Variants in SPATA7 observed in about 807,000 individuals in gnomAD.
SPATA7 encodes spermatogenesis associated 7, also known as spermatogenesis-associated protein 7.
Under a neutral mutation model 51.8 loss-of-function variants are expected in SPATA7, and 43 were observed. The ratio of observed to expected loss-of-function variants is 0.83; its 90% CI spans 0.65 to 1.07. SPATA7 has a LOEUF of 1.07. Among genes scored for constraint, SPATA7 ranks in the 50% least tolerant of loss-of-function variants. The probability of loss-of-function intolerance (pLI) is 0.00; values close to 1 mark genes in which losing one functional copy is unlikely to be tolerated. For synonymous variants in SPATA7, 230 were observed against 252.8 expected, an observed-to-expected ratio of 0.91 and a Z score of 0.86; for missense variants, 683 against 701.3, an observed-to-expected ratio of 0.97 and a Z score of 0.30.
chr14:88,388,128 G>A (rs60005153), intron 1 of SPATA7, among the ~76,000 whole-genome samples: 5,346 of 152,114 alleles, frequency 0.035, 301 homozygotes, highest in African/African-American at 0.12. Context: ...CTTGAACCTG[G>A]GAGGGGGAGG....
At chr14:88,468,693 A>G (rs1418391163) in intron 4 of SPATA7, among the ~76,000 whole-genome samples, 1 of 152,224 alleles carries the variant, frequency 6.6e-6, no homozygotes, top group Non-Finnish European at 1.5e-5. Context: ...GTAAAACAAA[A>G]TTAAACAGCT....
intron 4 of SPATA7, among the ~76,000 whole-genome samples, chr14:88,405,068 A>C (rs2076168205): frequency 6.6e-6 from 1 of 152,232 alleles, no homozygotes; most frequent in African/African-American, 2.4e-5. Flanking sequence ...AATTGAGCAG[A>C]GACCTGAAAG....
chr14:88,385,931 C>T (rs2075560666), intron 1 of SPATA7, 94 bp downstream of exon 1: 2 of 1,395,970 alleles, frequency 1.4e-6, no homozygotes, highest in Non-Finnish European at 1.9e-6. Context: ...GCAAGGCCGC[C>T]CCTTGGGGCG....
chr14:88,468,221 T>C, intron 4 of SPATA7: 1 of 1,610,546 alleles, frequency 6.2e-7, no homozygotes, highest in Admixed American at 1.7e-5. Flanking sequence ...CCAGCATCAT[T>C]CTCTGTTGCC....
chr14:88,418,085 TC>T (rs2076536803), intron 5 of SPATA7, among the ~76,000 whole-genome samples: 2 of 152,212 alleles, frequency 1.3e-5, no homozygotes, highest in Non-Finnish European at 2.9e-5. Context: ...CTTAATCTCT[TC>T]TGAATATGTA....
intron 4 of SPATA7, among the ~76,000 whole-genome samples, chr14:88,409,678 T>C (rs934311738): frequency 6.6e-6 from 1 of 152,190 alleles, no homozygotes; most frequent in Non-Finnish European, 1.5e-5. Context: ...TAAATTGTGA[T>C]GTTAGGGTGT....
At chr14:88,442,074 C>A (rs537994161), downstream of SPATA7, among the ~76,000 whole-genome samples, 1 of 152,124 alleles carries the variant, frequency 6.6e-6, no homozygotes, top group African/African-American at 2.4e-5. Context: ...ACCAATTGTC[C>A]CAGCACCATT....
At position 88,469,394 on chromosome 14, in the gene SPATA7, C is replaced by G. The variant is rs1280043792; in HGVS notation, c.255-453C>G. Reference sequence around the variant, plus strand: ...TCTTTATGTTAAAACAAGTCCGAAGCTTATATGAGATAACATAAAGGAAAT... The same window carrying G: ...TCTTTATGTTAAAACAAGTCCGAAGGTTATATGAGATAACATAAAGGAAAT... On this transcript the variant is annotated intron_variant, in intron 4 of 4. Coordinates refer to the SPATA7 transcript ENST00000556406. The surrounding 1 kb of genome is among the most constrained non-coding windows in gnomAD (Gnocchi z 4.3). The G allele has an allele frequency of 1.9e-6, 2 of 1,039,876 alleles. No homozygotes were observed. Among genetic ancestry groups the G allele is most frequent in the Non-Finnish European group, 2.8e-6 (2 of 704,530 alleles). The allele number at this position is 1,039,876 out of a possible 1,614,324, so 64.4% of individuals were successfully genotyped here. A position where few individuals can be genotyped will look rare whatever the true frequency, so the allele number is the denominator to read the frequency against.
chr14:88,416,535 GAAAT>G (rs1322973650), intron 4 of SPATA7, 172 bp from the exon 5 acceptor site: 6 of 537,868 alleles, frequency 1.1e-5, no homozygotes, highest in African/African-American at 1.9e-5. Context: ...AGGCACATGT[GAAAT>G]AAATAATTTT....
Position 88,438,088 on chromosome 14 carries a change from C to T in SPATA7, c.1466C>T (p.Thr489Ile). The change falls in exon 12 of 12, where the codon ACT becomes ATT. Residue 489 changes from threonine (T) to isoleucine (I), a missense_variant. Coordinates refer to ENST00000393545, the MANE Select transcript of SPATA7 (RefSeq NM_018418.5). ...GAGAACGAGATATTCCCTTCACCAA[C>T]TGAATTTTTCATGCCTATTTATAAA... is the stretch of plus-strand genomic sequence containing the variant. ...KDENEIFPSPTEFFMPIYKSK... is the reference protein window; with the variant it reads ...KDENEIFPSPIEFFMPIYKSK... 6.2e-7 allele frequency: 1 copy of T among 1,614,094 alleles called. No homozygotes were observed. The highest frequency in any genetic ancestry group is 8.5e-7 in the Non-Finnish European group (1 of 1,180,008).
chr14:88,438,489 A>AT, downstream of SPATA7: 1 of 1,232,114 alleles, frequency 8.1e-7, no homozygotes, highest in Non-Finnish European at 1.2e-6. Context: ...TTTAAAATGT[A>AT]TGTATAAGAT....
downstream of SPATA7, among the ~76,000 whole-genome samples, chr14:88,456,220 A>G (rs1420131246): frequency 2.0e-5 from 3 of 152,250 alleles, no homozygotes; most frequent in East Asian, 5.8e-4. Context: ...ATGTTTTATA[A>G]TCCTTTGGGT....
intron 4 of SPATA7, among the ~76,000 whole-genome samples, chr14:88,413,717 C>T (rs1331626694): frequency 1.3e-5 from 2 of 149,280 alleles, no homozygotes; most frequent in Non-Finnish European, 3.0e-5. Flanking sequence ...GAGGTATGTT[C>T]TTTTGATGCC....
intron 5 of SPATA7, among the ~76,000 whole-genome samples, chr14:88,423,161 AC>A (rs1412215150): frequency 2.6e-5 from 4 of 151,676 alleles, no homozygotes; most frequent in African/African-American, 9.7e-5. Flanking sequence ...CTCCCATACT[AC>A]TCGTTTGCTT....
chr14:88,401,286 CA>C (rs1445238108), intron 4 of SPATA7, among the ~76,000 whole-genome samples: 2 of 152,110 alleles, frequency 1.3e-5, no homozygotes, highest in African/African-American at 4.8e-5. Flanking sequence ...AACCATTTGA[CA>C]AAATTCAGCA....
rs370670674 is a variant in SPATA7, at chr14:88,469,764, G to A, written c.255-83G>A. On this transcript the variant is annotated intron_variant, in intron 4 of 4. Transcript: ENST00000556406. The surrounding 1 kb of genome is among the most constrained non-coding windows in gnomAD (Gnocchi z 4.3). ...AAAGATGAGCATGGTTAAATGACTC[G>A]AGATCCGGCAATGGATGCCTTTCTC... 8.3e-5 allele frequency: 133 copies of A among 1,610,118 alleles called. 4 individuals carry two copies. Among genetic ancestry groups the A allele is most frequent in the Middle Eastern group, 4.9e-4 (3 of 6,082 alleles).
intron 4 of SPATA7, chr14:88,466,304 A>T (rs2077362402): frequency 6.6e-6 from 1 of 152,178 alleles, no homozygotes; most frequent in African/African-American, 2.4e-5. Flanking sequence ...TTTTGTTCCT[A>T]CATGAGAAGT....
At chr14:88,466,739 G>A (rs1026768968) in intron 4 of SPATA7, 1 of 143,742 alleles carries the variant, frequency 7.0e-6, no homozygotes, top group African/African-American at 2.6e-5. Context: ...TGGGTGAGGG[G>A]GCACTAAACA....
chr14:88,462,418 C>G (rs1323713283), intron 4 of SPATA7, among the ~76,000 whole-genome samples: 1 of 152,204 alleles, frequency 6.6e-6, no homozygotes, highest in Non-Finnish European at 1.5e-5. Flanking sequence ...ATCATCCAAC[C>G]TTCTGAATTT....
Sources: gnomAD v4.1 joint callset for allele counts (sites outside exome capture counted in the v4.1 genomes callset) on GRCh38, gnomAD v4.1.1 for gene constraint, Gnocchi (gnomAD v3.1) non-coding constraint, MANE v1.5 for transcripts, NCBI Gene and HGNC (gene_info 2026-07-23, HGNC 2026-07-21) for gene names.